The following AKAP13 variants were observed in gnomAD, a reference collection of about 807,000 sequenced individuals.
The protein encoded by AKAP13 is A-kinase anchoring protein 13.
Under a neutral mutation model 264.5 loss-of-function variants are expected in AKAP13, and 80 were observed. The observed-to-expected ratio is 0.30, with a 90% confidence interval of 0.25 to 0.36. The LOEUF (loss-of-function observed/expected upper bound fraction) is 0.36, where lower values mean the gene tolerates loss of function less well. AKAP13 is among the 10% of genes least tolerant of loss of function. The probability of loss-of-function intolerance (pLI) is 1.00; values close to 1 mark genes in which losing one functional copy is unlikely to be tolerated. For missense variants in AKAP13, 3,712 were observed against 3,435.2 expected (o/e 1.08, Z -2.01); for synonymous variants, 1,380 against 1,250.2 (o/e 1.10, Z -2.19).
At chr15:85,443,924 C>A (rs2073806760) in intron 1 of AKAP13, among the ~76,000 whole-genome samples, 1 of 152,140 alleles carries the variant, frequency 6.6e-6, no homozygotes, top group South Asian at 2.1e-4. Flanking sequence ...ATAGCTTATT[C>A]TAATCTGTTG....
intron 5 of AKAP13, among the ~76,000 whole-genome samples, chr15:85,558,997 C>CT (rs1318384860): frequency 1.3e-5 from 2 of 151,118 alleles, no homozygotes; most frequent in Non-Finnish European, 2.9e-5. Context: ...GGAAATTTGA[C>CT]TTTTTTTTCT....
At chr15:85,430,490 G>C (rs1212464493) in intron 1 of AKAP13, among the ~76,000 whole-genome samples, 1 of 152,216 alleles carries the variant, frequency 6.6e-6, no homozygotes, top group East Asian at 1.9e-4. Context: ...AGGGGGATGT[G>C]AGTGATTGGA....
intron 2 of AKAP13, among the ~76,000 whole-genome samples, chr15:85,502,819 A>G (rs2076071274): frequency 6.6e-6 from 1 of 152,208 alleles, no homozygotes; most frequent in Non-Finnish European, 1.5e-5. Flanking sequence ...CTAAATTTCC[A>G]TATGACACCT....
intron 12 of AKAP13, among the ~76,000 whole-genome samples, chr15:85,664,135 C>T (rs1350843255): frequency 6.6e-6 from 1 of 152,048 alleles, no homozygotes; most frequent in Non-Finnish European, 1.5e-5. Flanking sequence ...GGCAAGTTAC[C>T]CAGTTTGCCT....
intron 8 of AKAP13, among the ~76,000 whole-genome samples, chr15:85,613,356 T>A (rs565633733): frequency 2.0e-5 from 3 of 152,302 alleles, no homozygotes; most frequent in African/African-American, 7.2e-5. Context: ...CAGTTGGCTT[T>A]GTAGCTGATA....
intron 3 of AKAP13, among the ~76,000 whole-genome samples, chr15:85,526,706 T>C (rs2077057527): frequency 6.6e-6 from 1 of 152,108 alleles, no homozygotes; most frequent in Non-Finnish European, 1.5e-5. Context: ...ACACCCCCCA[T>C]CCCCCAGCCT....
At chr15:85,491,061 C>T (rs1291062736) in intron 2 of AKAP13, among the ~76,000 whole-genome samples, 1 of 152,094 alleles carries the variant, frequency 6.6e-6, no homozygotes, top group African/African-American at 2.4e-5. Context: ...GTTTGAGGAA[C>T]AGAACAGTGG....
chr15:85,711,341 A>C (rs2086625725), intron 19 of AKAP13, among the ~76,000 whole-genome samples: 1 of 152,170 alleles, frequency 6.6e-6, no homozygotes, highest in South Asian at 2.1e-4. Context: ...TTTTACTGAT[A>C]CTTTTCCCTT....
chr15:85,636,934 T>G (rs2082096240), intron 8 of AKAP13, among the ~76,000 whole-genome samples: 1 of 152,234 alleles, frequency 6.6e-6, no homozygotes, highest in Non-Finnish European at 1.5e-5. Flanking sequence ...TTTCATCTAA[T>G]GATGATCATT....
At chr15:85,678,916 C>T (rs965183954) in intron 14 of AKAP13, among the ~76,000 whole-genome samples, 2 of 151,384 alleles carry the variant, frequency 1.3e-5, no homozygotes, top group Non-Finnish European at 2.9e-5. Flanking sequence ...TGTAATATAC[C>T]GGGAAGTAGC....
chr15:85,491,520 A>AT, intron 2 of AKAP13, among the ~76,000 whole-genome samples: 1 of 146,690 alleles, frequency 6.8e-6, no homozygotes, highest in South Asian at 2.1e-4. Flanking sequence ...TATATTATAT[A>AT]TATTATATAT....
intron 3 of AKAP13, among the ~76,000 whole-genome samples, chr15:85,529,768 A>G (rs1436831422): frequency 6.6e-6 from 1 of 152,192 alleles, no homozygotes; most frequent in African/African-American, 2.4e-5. Flanking sequence ...GATCAGTAGT[A>G]ACGCTTCCAA....
intron 2 of AKAP13, among the ~76,000 whole-genome samples, chr15:85,509,383 C>A (rs965394436): frequency 3.9e-5 from 6 of 152,074 alleles, no homozygotes; most frequent in African/African-American, 1.4e-4. Context: ...GTATTGATTT[C>A]CCAGAGAAAC....
chr15:85,708,172 G>C lies in AKAP13; in HGVS notation c.5532+86G>C, dbSNP rs1026132205. On this transcript the variant is annotated intron_variant, in intron 18 of 36. Coordinates refer to ENST00000394518, the MANE Select transcript of AKAP13 (RefSeq NM_007200.5). This position sits in a 1 kb window ranked among gnomAD's most constrained non-coding sequence, Gnocchi z 4.3. Reference sequence around the variant, plus strand: ...GGGAGTTGGGAGAGTTGAGGTTGTGGTGGATTTTGTTTATTTTAATCATTT... The same window carrying C: ...GGGAGTTGGGAGAGTTGAGGTTGTGCTGGATTTTGTTTATTTTAATCATTT... The C allele has an allele frequency of 1.6e-6, 2 of 1,283,890 alleles. No individual in the cohort carries two copies. Among genetic ancestry groups the C allele is most frequent in the Non-Finnish European group, 2.2e-6 (2 of 919,228 alleles). 79.5% of individuals were successfully genotyped at this position (1,283,890 alleles called of 1,614,324 possible). A position where few individuals can be genotyped will look rare whatever the true frequency, so the allele number is the denominator to read the frequency against.
intron 1 of AKAP13, among the ~76,000 whole-genome samples, chr15:85,400,954 C>T (rs1234029072): frequency 6.6e-6 from 1 of 151,616 alleles, no homozygotes; most frequent in Non-Finnish European, 1.5e-5. Context: ...CTCCGCCTCC[C>T]GGATTCAAGC....
chr15:85,438,997 A>C (rs1468084838), intron 1 of AKAP13, among the ~76,000 whole-genome samples: 1 of 146,674 alleles, frequency 6.8e-6, no homozygotes, highest in African/African-American at 2.5e-5. Context: ...GAGCTTCTGC[A>C]CAGCAAAAGA....
At chr15:85,570,064 A>C (rs898190956) in intron 5 of AKAP13, among the ~76,000 whole-genome samples, 1 of 122,868 alleles carries the variant, frequency 8.1e-6, no homozygotes, top group African/African-American at 3.1e-5. Flanking sequence ...CGACAGAGCG[A>C]GACTCCGTCT....
In AKAP13 at chr15:85,741,361, C is replaced by A; in HGVS notation, c.7924C>A (p.Gln2642Lys). 1 of 1,614,020 alleles carries A rather than the reference C, an allele frequency of 6.2e-7. No individual in the cohort carries two copies. Among genetic ancestry groups the A allele is most frequent in the Non-Finnish European group, 8.5e-7 (1 of 1,180,018 alleles). ...GGAAAAGGAGCGGGAGGAGCTCCAGCAGAAGAAGGGCACATACCAGTATGA... is the reference window on the plus strand; with the variant it reads ...GGAAAAGGAGCGGGAGGAGCTCCAGAAGAAGAAGGGCACATACCAGTATGA... ...DLEKEREELQ[Q>K]KKGTYQYDLE... Residue 2642 changes from glutamine (Q) to lysine (K), a missense_variant, in exon 35 of 37, where the codon CAG becomes AAG. Coordinates refer to ENST00000394518, the MANE Select transcript of AKAP13 (RefSeq NM_007200.5).
intron 2 of AKAP13, among the ~76,000 whole-genome samples, chr15:85,500,576 G>T (rs994916410): frequency 6.6e-6 from 1 of 152,088 alleles, no homozygotes; most frequent in Non-Finnish European, 1.5e-5. Flanking sequence ...TCAGCACGGA[G>T]GTAGAAATTA....
Sources: allele counts gnomAD v4.1 joint callset (sites outside exome capture counted in the v4.1 genomes callset), GRCh38; gene constraint gnomAD v4.1.1; non-coding constraint Gnocchi (gnomAD v3.1); transcripts MANE v1.5; gene names NCBI Gene and HGNC (gene_info 2026-07-23, HGNC 2026-07-21).